Variants in FMNL2 observed in about 807,000 individuals in gnomAD.
The protein encoded by FMNL2 is formin like 2.
A neutral mutation model predicts 130.2 loss-of-function variants in FMNL2; 51 were observed. That is an observed-to-expected ratio of 0.39 (90% CI 0.31 to 0.49). The LOEUF (loss-of-function observed/expected upper bound fraction) is 0.49, where lower values mean the gene tolerates loss of function less well. Among genes scored for constraint, FMNL2 ranks in the 20% least tolerant of loss-of-function variants. FMNL2 has a pLI of 0.85. For synonymous variants in FMNL2, 465 were observed against 467.1 expected (o/e 1.00, Z 0.06); for missense variants, 977 against 1,316.2 (o/e 0.74, Z 3.99).
intron 1 of FMNL2, among the ~76,000 whole-genome samples, chr2:152,393,239 T>A (rs1579558587): frequency 6.6e-6 from 1 of 152,326 alleles, no homozygotes; most frequent in South Asian, 2.1e-4. Flanking sequence ...CATAGCACAT[T>A]AAATGTACAT....
At chr2:152,394,727 T>C (rs1685300943) in intron 1 of FMNL2, among the ~76,000 whole-genome samples, 2 of 151,942 alleles carry the variant, frequency 1.3e-5, no homozygotes, top group African/African-American at 4.8e-5. Flanking sequence ...TTGGGTTTTT[T>C]TTTTTTTTGG....
At chr2:152,434,046 G>T (rs1295229011) in intron 1 of FMNL2, among the ~76,000 whole-genome samples, 1 of 152,190 alleles carries the variant, frequency 6.6e-6, no homozygotes, top group Non-Finnish European at 1.5e-5. Context: ...ATTTATGAGG[G>T]GAAAGTTGGC....
At chr2:152,610,907 G>A (rs1056527119) in intron 10 of FMNL2, among the ~76,000 whole-genome samples, 2 of 152,170 alleles carry the variant, frequency 1.3e-5, no homozygotes, top group Non-Finnish European at 2.9e-5. Flanking sequence ...CACCAGCAAT[G>A]GATGAGGGTT....
intron 1 of FMNL2, among the ~76,000 whole-genome samples, chr2:152,512,792 C>A (rs1692558585): frequency 6.6e-6 from 1 of 151,928 alleles, no homozygotes; most frequent in Admixed American, 6.6e-5. Context: ...TGGATGGAGC[C>A]CAAAATCAAG....
chr2:152,646,704 A>ATTTG (rs969641361), intron 25 of FMNL2, among the ~76,000 whole-genome samples: 2 of 152,172 alleles, frequency 1.3e-5, no homozygotes, highest in Non-Finnish European at 2.9e-5. Context: ...TAATTCTGTT[A>ATTTG]TTTGTTTGTA....
intron 16 of FMNL2, among the ~76,000 whole-genome samples, 191 bp downstream of exon 16, chr2:152,625,753 CAA>C (rs1160393228): frequency 1.3e-5 from 2 of 152,206 alleles, no homozygotes; most frequent in African/African-American, 2.4e-5. Context: ...TAAAACTGTT[CAA>C]AGAGTTATGT....
chr2:152,606,439 G>A (rs1396932224), intron 9 of FMNL2, among the ~76,000 whole-genome samples: 2 of 152,164 alleles, frequency 1.3e-5, no homozygotes, highest in Non-Finnish European at 2.9e-5. Context: ...CTTCAGAGCT[G>A]GGTATGGTGG....
chr2:152,377,449 C>T (rs145110292), intron 1 of FMNL2, among the ~76,000 whole-genome samples: 3 of 152,162 alleles, frequency 2.0e-5, no homozygotes, highest in Non-Finnish European at 2.9e-5. Flanking sequence ...TTTTTATCTT[C>T]TATAGTTTCC....
At chr2:152,520,410 C>T (rs113037609) in intron 1 of FMNL2, among the ~76,000 whole-genome samples, 176 of 152,108 alleles carry the variant, frequency 1.2e-3, no homozygotes, top group African/African-American at 3.9e-3. Context: ...GCCTGGCCAA[C>T]ATGGTGAAAC....
rs145765512 is a variant in FMNL2 at position 152,343,210 on chromosome 2, C to T, written c.117+7490C>T. ...CCTTGAGGTGTTTAGACCCTGCTAT[C>T]CCCAGAAGTAATCTCACTTGACTGA... On this transcript the variant is annotated intron_variant, in intron 1 of 25. Transcript: ENST00000288670. Among the ~76,000 whole-genome samples the T allele has an allele frequency of 4.6e-5, 7 of 152,322 alleles. No individual in the cohort carries two copies. The East Asian group carries it at 1.2e-3, about 25-fold the overall frequency.
chr2:152,639,837 C>G, intron 23 of FMNL2, 121 bp from the exon 24 acceptor site: 45 of 639,612 alleles, frequency 7.0e-5, no homozygotes, highest in South Asian at 3.9e-4. Flanking sequence ...TGTAGATCTT[C>G]TCAACCTTCC....
At chr2:152,439,670 A>C (rs1373376441) in intron 1 of FMNL2, among the ~76,000 whole-genome samples, 1 of 151,688 alleles carries the variant, frequency 6.6e-6, no homozygotes, top group Non-Finnish European at 1.5e-5. Flanking sequence ...ATAGGGACTC[A>C]TTCCTTTCTT....
chr2:152,348,818 GTTTTTTTTT>G (rs1244621847), intron 1 of FMNL2, among the ~76,000 whole-genome samples: 6 of 71,830 alleles, frequency 8.4e-5, no homozygotes, highest in Middle Eastern at 0.026. Context: ...GCTTCTAAGG[GTTTTTTTTT>G]TTTTTTTTTT....
At chr2:152,541,045 G>A (rs554151425) in intron 2 of FMNL2, among the ~76,000 whole-genome samples, 15 of 152,288 alleles carry the variant, frequency 9.8e-5, no homozygotes, top group East Asian at 1.9e-4. Flanking sequence ...AAAAAATTCC[G>A]TTGTGGAGTA....
chr2:152,518,259 T>G (rs1204254864), intron 1 of FMNL2, among the ~76,000 whole-genome samples: 1 of 152,174 alleles, frequency 6.6e-6, no homozygotes, highest in Non-Finnish European at 1.5e-5. Flanking sequence ...TCATGGTCCT[T>G]ATGGAATTAT....
At chr2:152,603,334 T>C (rs1448434706) in intron 9 of FMNL2, among the ~76,000 whole-genome samples, 1 of 152,188 alleles carries the variant, frequency 6.6e-6, no homozygotes, top group Non-Finnish European at 1.5e-5. Flanking sequence ...CATAATGTCA[T>C]TTTGTGCATT....
chr2:152,616,327 GTT>G (rs36107333), intron 12 of FMNL2, among the ~76,000 whole-genome samples: 14 of 110,010 alleles, frequency 1.3e-4, no homozygotes, highest in African/African-American at 4.1e-4. Flanking sequence ...ATTTTTGTGG[GTT>G]TTTTTTTTTT....
intron 1 of FMNL2, among the ~76,000 whole-genome samples, chr2:152,490,864 G>A (rs900192798): frequency 8.5e-5 from 13 of 152,062 alleles, no homozygotes; most frequent in Non-Finnish European, 1.5e-4. Context: ...AATGTGTTGT[G>A]TAGCTGGCCA....
chr2:152,606,443 A>G (rs77802242), intron 9 of FMNL2, among the ~76,000 whole-genome samples: 2 of 152,282 alleles, frequency 1.3e-5, no homozygotes, highest in East Asian at 3.9e-4. Flanking sequence ...AGAGCTGGGT[A>G]TGGTGGTGCC....
Sources: allele counts gnomAD v4.1 joint callset (sites outside exome capture counted in the v4.1 genomes callset), GRCh38; gene constraint gnomAD v4.1.1; transcripts MANE v1.5; gene names NCBI Gene and HGNC (gene_info 2026-07-23, HGNC 2026-07-21).